The following SYN3 variants were observed in gnomAD, a reference collection of about 807,000 sequenced individuals.
SYN3 encodes the protein synapsin-3.
SYN3 carries 35 observed loss-of-function variants against 65.8 expected under a neutral mutation model. The ratio of observed to expected loss-of-function variants is 0.53; its 90% CI spans 0.41 to 0.70. SYN3 has a LOEUF of 0.70. Among genes scored for constraint, SYN3 ranks in the 30% least tolerant of loss-of-function variants. SYN3 has a pLI of 0.00. For synonymous variants in SYN3, 270 were observed against 292.9 expected, an observed-to-expected ratio of 0.92 and a Z score of 0.80; for missense variants, 680 against 749.0, an observed-to-expected ratio of 0.91 and a Z score of 1.08.
rs1298676565 is a variant in SYN3 at position 32,837,951 on chromosome 22, TTC to T, written c.711+26962_711+26963del. 3.9e-5 allele frequency among the ~76,000 whole-genome samples: 6 copies of T among 152,262 alleles called. No homozygotes were observed. The East Asian group carries it at 1.2e-3, about 29-fold the overall frequency. Reference sequence around the variant, plus strand: ...AACCATGACCAGAAGGTCCTCTCCTTTCTCTTTCTCTTAACTGTCTCTAGTGA... The same window carrying T: ...AACCATGACCAGAAGGTCCTCTCCTTTCTTTCTCTTAACTGTCTCTAGTGA... On this transcript the variant is annotated intron_variant, in intron 6 of 13. Transcript: ENST00000358763. This position sits in a 1 kb window ranked among gnomAD's most constrained non-coding sequence, Gnocchi z 4.1.
At chr22:32,668,204 A>G (rs538127917) in intron 6 of SYN3, among the ~76,000 whole-genome samples, 5 of 152,386 alleles carry the variant, frequency 3.3e-5, no homozygotes, top group African/African-American at 7.2e-5. Context: ...GCAGAAGTAG[A>G]AAGTATACAT....
chr22:32,822,619 G>A (rs1190809760), intron 6 of SYN3, among the ~76,000 whole-genome samples: 1 of 152,178 alleles, frequency 6.6e-6, no homozygotes, highest in African/African-American at 2.4e-5. Flanking sequence ...TAATCTAAAT[G>A]TCTATTGCAA....
chr22:32,824,234 C>T (rs991159197), intron 6 of SYN3, among the ~76,000 whole-genome samples: 94 of 150,178 alleles, frequency 6.3e-4, no homozygotes, highest in Middle Eastern at 3.4e-3. Context: ...GACGACACCT[C>T]GCCACTGCAC....
chr22:32,627,868 G>A (rs190439621), intron 6 of SYN3, among the ~76,000 whole-genome samples: 74 of 152,066 alleles, frequency 4.9e-4, no homozygotes, highest in African/African-American at 1.6e-3. Context: ...TCACTCTGTC[G>A]CCCAGGCTGG....
chr22:32,979,203 AG>A (rs2145642528), intron 3 of SYN3, among the ~76,000 whole-genome samples: 1 of 150,356 alleles, frequency 6.7e-6, no homozygotes, highest in Admixed American at 6.6e-5. Context: ...AAAAAAAAAA[AG>A]AAAGAAAGAA....
intron 3 of SYN3, among the ~76,000 whole-genome samples, chr22:32,977,001 G>GC (rs903771947): frequency 6.6e-6 from 1 of 151,918 alleles, no homozygotes; most frequent in African/African-American, 2.4e-5. Flanking sequence ...TCCTGGGGGG[G>GC]GGGTTGCTTG....
chr22:32,919,210 G>A (rs1456139967), intron 4 of SYN3, among the ~76,000 whole-genome samples: 4 of 152,168 alleles, frequency 2.6e-5, no homozygotes, highest in Non-Finnish European at 4.4e-5. Flanking sequence ...TACACACGGG[G>A]CTCGCTCTGC....
At chr22:32,760,233 C>T (rs916041312) in intron 6 of SYN3, among the ~76,000 whole-genome samples, 1 of 143,572 alleles carries the variant, frequency 7.0e-6, no homozygotes, top group African/African-American at 2.6e-5. Context: ...CACCAACAGC[C>T]AGCACCCATG....
rs527270842 is a variant in SYN3, at chr22:32,633,330, C to T, written c.712-36594G>A. On this transcript the variant is annotated intron_variant, in intron 6 of 13. Transcript: ENST00000358763. Reference sequence around the variant, plus strand: ...GACTCCGAGGAACAGTGACTTGTCCCGGGTCACACAGTTAAGTGGCAGAGC... The same window carrying T: ...GACTCCGAGGAACAGTGACTTGTCCTGGGTCACACAGTTAAGTGGCAGAGC... 5.9e-5 allele frequency among the ~76,000 whole-genome samples: 9 copies of T among 152,246 alleles called. No homozygotes were observed. The South Asian group carries it at 1.0e-3, about 18-fold the overall frequency.
intron 7 of SYN3, chr22:32,583,880 C>T (rs1239332631): frequency 5.3e-5 from 8 of 152,194 alleles, no homozygotes; most frequent in African/African-American, 1.2e-4. Flanking sequence ...CCTATAGCTA[C>T]GATCAGTGAC....
intron 6 of SYN3, among the ~76,000 whole-genome samples, chr22:32,690,867 C>T (rs2060652633): frequency 6.6e-6 from 1 of 152,126 alleles, no homozygotes; most frequent in African/African-American, 2.4e-5. Flanking sequence ...TGAGCCTGCC[C>T]CCTGCAAATG....
At chr22:32,580,640 A>G (rs1057331129) in intron 7 of SYN3, among the ~76,000 whole-genome samples, 3 of 152,108 alleles carry the variant, frequency 2.0e-5, no homozygotes, top group Non-Finnish European at 4.4e-5. Context: ...TCAAAGAACA[A>G]TATTATTCGA....
At chr22:32,749,961 C>T (rs772923214) in intron 6 of SYN3, among the ~76,000 whole-genome samples, 10 of 152,102 alleles carry the variant, frequency 6.6e-5, no homozygotes, top group Admixed American at 2.6e-4. Context: ...TCAGTGCCTA[C>T]TAGTAGAGTT....
At chr22:32,817,393 A>C (rs999559864) in intron 6 of SYN3, among the ~76,000 whole-genome samples, 1 of 152,202 alleles carries the variant, frequency 6.6e-6, no homozygotes, top group African/African-American at 2.4e-5. Flanking sequence ...TTTCCCAAGA[A>C]GCACCTACAA....
chr22:33,056,163 G>A (rs1324885344), intron 1 of SYN3, among the ~76,000 whole-genome samples: 1 of 152,176 alleles, frequency 6.6e-6, no homozygotes, highest in Non-Finnish European at 1.5e-5. Context: ...TCAAAAAAGG[G>A]AAGCAGTAGT....
At chr22:32,703,365 G>A (rs911908193) in intron 6 of SYN3, among the ~76,000 whole-genome samples, 1 of 152,148 alleles carries the variant, frequency 6.6e-6, no homozygotes, top group Non-Finnish European at 1.5e-5. Context: ...CTGGCCGGGC[G>A]CGGTGGCTCA....
intron 5 of SYN3, among the ~76,000 whole-genome samples, chr22:32,868,377 C>A (rs1282079237): frequency 6.6e-6 from 1 of 151,004 alleles, no homozygotes; most frequent in African/African-American, 2.4e-5. Flanking sequence ...TATCATATAT[C>A]ATATATTACA....
chr22:33,021,949 C>A (rs1000250248), intron 1 of SYN3, among the ~76,000 whole-genome samples: 1 of 152,082 alleles, frequency 6.6e-6, no homozygotes, highest in Admixed American at 6.5e-5. Context: ...GTTAAGTAAA[C>A]CTGTTTAAAA....
At position 32,676,528 on chromosome 22, in the gene SYN3, CTTTTTTTTTTTTTTTTTTT is replaced by C. The variant is rs879196572; in HGVS notation, c.712-79811_712-79793del. ...CCATTTTCTTTCTTTTCTTTTCTTT[CTTTTTTTTTTTTTTTTTTT>C]TTTTTTTTTTGACAGAGTCTCGCTC... On this transcript the variant is annotated intron_variant, in intron 6 of 13. Transcript: ENST00000358763. Among the ~76,000 whole-genome samples, 140 of 88,918 alleles carry C rather than the reference CTTTTTTTTTTTTTTTTTTT, an allele frequency of 1.6e-3. 2 individuals are homozygous for C. The highest frequency in any genetic ancestry group is 7.0e-3 in the African/African-American group (135 of 19,260). The allele number at this position is 88,918 out of a possible 152,430, so 58.3% of individuals were successfully genotyped here. A position where few individuals can be genotyped will look rare whatever the true frequency, so the allele number is the denominator to read the frequency against.
Sources: gnomAD v4.1 joint callset for allele counts (sites outside exome capture counted in the v4.1 genomes callset) on GRCh38, gnomAD v4.1.1 for gene constraint, Gnocchi (gnomAD v3.1) non-coding constraint, MANE v1.5 for transcripts, NCBI Gene and HGNC (gene_info 2026-07-23, HGNC 2026-07-21) for gene names.